Variants in CEP164 observed in about 807,000 individuals in gnomAD.
CEP164 encodes the protein centrosomal protein 164, also known as centrosomal protein of 164 kDa.
CEP164 carries 162 observed loss-of-function variants against 182.7 expected under a neutral mutation model. The ratio of observed to expected loss-of-function variants is 0.89; its 90% CI spans 0.78 to 1.01. The LOEUF is 1.01. CEP164 is among the 50% of genes least tolerant of loss of function. The probability of loss-of-function intolerance (pLI) is 0.00; values close to 1 mark genes in which losing one functional copy is unlikely to be tolerated. For synonymous variants in CEP164, 661 were observed against 690.0 expected (o/e 0.96, Z 0.66); for missense variants, 1,735 against 1,790.4 (o/e 0.97, Z 0.56).
At chr11:117,359,314 C>T in intron 5 of CEP164, 1 of 682,400 alleles carries the variant, frequency 1.5e-6, no homozygotes. Flanking sequence ...CAGAGCCAGT[C>T]TCAGGTGGTT....
intron 5 of CEP164, among the ~76,000 whole-genome samples, chr11:117,357,423 C>CTTTTT (rs4018866): frequency 8.2e-6 from 1 of 121,518 alleles, no homozygotes; most frequent in Non-Finnish European, 1.7e-5. Context: ...AGTTAATATT[C>CTTTTT]TTTTTTTTTT....
chr11:117,323,906 C>A, upstream of CEP164: 1 of 378,342 alleles, frequency 2.6e-6, no homozygotes, highest in Non-Finnish European at 5.5e-6. Flanking sequence ...TGAGAAATGT[C>A]TTTTAAGGCA....
At chr11:117,336,343 C>T (rs1431698325) in intron 2 of CEP164, 9 of 1,459,514 alleles carry the variant, frequency 6.2e-6, no homozygotes, top group African/African-American at 2.8e-5. Context: ...TCTGACCATG[C>T]CAGGAGCCAA....
At chr11:117,355,468 G>A (rs2040198789) in intron 5 of CEP164, 12 of 1,289,748 alleles carry the variant, frequency 9.3e-6, no homozygotes, top group Non-Finnish European at 1.2e-5. Context: ...TGAAAGGGGA[G>A]CAGCACAGCC....
chr11:117,366,279 G>C (rs1290132244), intron 8 of CEP164, among the ~76,000 whole-genome samples: 2 of 152,076 alleles, frequency 1.3e-5, no homozygotes, highest in Non-Finnish European at 1.5e-5. Context: ...CCCCACTCCT[G>C]AGTGTCCCAG....
chr11:117,372,848 G>A (rs973478658), intron 9 of CEP164, among the ~76,000 whole-genome samples: 1 of 152,198 alleles, frequency 6.6e-6, no homozygotes, highest in African/African-American at 2.4e-5. Flanking sequence ...ATTTGGCTGT[G>A]TTCTGCCCCA....
rs1016038401 is a variant in CEP164 at position 117,396,067 on chromosome 11, G to A, written c.3103G>A (p.Glu1035Lys). 7.4e-6 allele frequency: 12 copies of A among 1,614,022 alleles called. No homozygotes were observed. The highest frequency in any genetic ancestry group is 2.7e-5 in the African/African-American group (2 of 74,914). Residue 1035 changes from glutamate to lysine, a missense_variant, in exon 25 of 33, where the codon GAA becomes AAA. Transcript: ENST00000278935. ...TTCCTTCCACAGCAGCCTGGAGGCTGAAGCTCAAAAGAAGCAGCACCTGTT... is the reference window on the plus strand; with the variant it reads ...TTCCTTCCACAGCAGCCTGGAGGCTAAAGCTCAAAAGAAGCAGCACCTGTT... Reference protein sequence around the residue: ...LQKHFSSLEAEAQKKQHLLRE... With the variant: ...LQKHFSSLEAKAQKKQHLLRE...
chr11:117,343,695 A>T (rs2038464578), intron 3 of CEP164, among the ~76,000 whole-genome samples: 1 of 139,546 alleles, frequency 7.2e-6, no homozygotes, highest in Non-Finnish European at 1.5e-5. Flanking sequence ...CAGTGGCGTG[A>T]TCTCGGCTCA....
Position 117,408,008 on chromosome 11 carries a change from G to C in CEP164, c.3585G>C (p.Gln1195His). ...AGAAGAAAGAGGAGAAGCTGAATCAGTTGGAGTCCTCTCTTTGGGAAGAGG... is the reference window on the plus strand; with the variant it reads ...AGAAGAAAGAGGAGAAGCTGAATCACTTGGAGTCCTCTCTTTGGGAAGAGG... ...LLKKKEEKLN[Q>H]LESSLWEEAS... is the part of the protein sequence containing the mutation. Residue 1195 changes from glutamine to histidine, a missense_variant, in exon 28 of 33, where the codon CAG (glutamine) becomes CAC (histidine). Gln to His is a conservative substitution (Grantham distance 24). Transcript: ENST00000278935. 1 of 1,595,814 alleles carries C rather than the reference G, an allele frequency of 6.3e-7. No homozygotes were observed.
intron 11 of CEP164, among the ~76,000 whole-genome samples, chr11:117,379,154 G>A (rs938669843): frequency 4.6e-5 from 7 of 152,326 alleles, no homozygotes; most frequent in Middle Eastern, 3.4e-3. Context: ...GGCTCTGCCC[G>A]TGCTGATGTG....
rs1457737993 is a variant in CEP164 at position 117,409,764 on chromosome 11, G to A, written c.3895G>A (p.Ala1299Thr). The stretch of plus-strand genomic sequence containing the variant: ...GCCGCCGCTCCTCGCCTCCATGCCA[G>A]CCCAGCTCCCTCCCCGGGACCCTAA... ...SPPPLLASMP[A>T]QLPPRDPKST... is the part of the protein sequence containing the mutation. Residue 1299 changes from alanine to threonine, a missense_variant, in exon 30 of 33, where the codon GCC (alanine) becomes ACC (threonine). Coordinates refer to ENST00000278935, the MANE Select transcript of CEP164 (RefSeq NM_014956.5). This position sits in a 1 kb window ranked among gnomAD's most constrained non-coding sequence, Gnocchi z 4.4. 4 of 1,613,940 alleles carry A rather than the reference G, an allele frequency of 2.5e-6. No individual in the cohort carries two copies. In the East Asian group the frequency reaches 6.7e-5, roughly 27 times the overall value.
At chr11:117,410,548 G>A (rs61903747) in intron 30 of CEP164, 22,564 of 318,372 alleles carry the variant, frequency 0.071, 971 homozygotes, top group East Asian at 0.089. Context: ...TCTGAGCCAG[G>A]TGGCCTCCCC....
intron 12 of CEP164, 144 bp from the exon 13 acceptor site, chr11:117,381,557 C>G: frequency 1.0e-6 from 1 of 996,514 alleles, no homozygotes; most frequent in Non-Finnish European, 1.4e-6. Context: ...CCTGCTATGG[C>G]TCTCCATGGA....
Position 117,410,911 on chromosome 11 carries a change from G to A in CEP164, c.4163+17G>A, listed in dbSNP as rs776356415. On this transcript the variant is annotated intron_variant, in intron 31 of 32. Transcript: ENST00000278935. ...GTCTGCCAGGTGAGCCTCCCTGGGG[G>A]CTGGTTGGGGTGGAACGTCATAGTC... 3.1e-6 allele frequency: 5 copies of A among 1,609,772 alleles called. No homozygotes were observed. Among genetic ancestry groups the A allele is most frequent in the Non-Finnish European group, 4.2e-6 (5 of 1,177,974 alleles).
intron 5 of CEP164, among the ~76,000 whole-genome samples, chr11:117,358,540 CTTT>C (rs71961009): frequency 3.1e-5 from 4 of 129,136 alleles, no homozygotes; most frequent in Non-Finnish European, 4.9e-5. Context: ...CTCCCCCGGC[CTTT>C]TTTTTTTTTT....
chr11:117,361,839 T>G lies in CEP164; in HGVS notation c.398T>G (p.Leu133Trp). 6.2e-7 allele frequency: 1 copy of G among 1,614,242 alleles called. No homozygotes were observed. The highest frequency in any genetic ancestry group is 8.5e-7 in the Non-Finnish European group (1 of 1,180,042). ...DRDPPKSSLA[L>W]GSSLAPVHVP... ...AAGATGTTTTCTGTTGCACAGGCCT[T>G]GGGTTCCTCATTAGCCCCAGTTCAT... The change falls in exon 6 of 33, where the codon TTG becomes TGG. Residue 133 changes from leucine to tryptophan, a missense_variant. By Grantham distance (61) the Leu-to-Trp change is moderately conservative. Coordinates refer to ENST00000278935, the MANE Select transcript of CEP164 (RefSeq NM_014956.5).
At chr11:117,362,646 T>G in intron 7 of CEP164, 108 bp downstream of exon 7, 1 of 1,237,706 alleles carries the variant, frequency 8.1e-7, no homozygotes, top group Non-Finnish European at 1.1e-6. Flanking sequence ...AAATTTGCCC[T>G]TTTAACCATT....
intron 5 of CEP164, chr11:117,354,803 T>G (rs2040119719): frequency 5.3e-6 from 1 of 190,378 alleles, no homozygotes. Flanking sequence ...TATTATTTAT[T>G]ATACTTTAAG....
chr11:117,358,629 G>T (rs963888553), intron 5 of CEP164, among the ~76,000 whole-genome samples: 1 of 148,212 alleles, frequency 6.7e-6, no homozygotes, highest in African/African-American at 2.5e-5. Flanking sequence ...TTGCAGCCTT[G>T]AGCTCCTGGG....
Sources: gnomAD v4.1 joint callset for allele counts (sites outside exome capture counted in the v4.1 genomes callset) on GRCh38, gnomAD v4.1.1 for gene constraint, Gnocchi (gnomAD v3.1) non-coding constraint, MANE v1.5 for transcripts, NCBI Gene and HGNC (gene_info 2026-07-23, HGNC 2026-07-21) for gene names.